The following MDGA2 variants were observed in gnomAD, a reference collection of about 807,000 sequenced individuals.
MDGA2 encodes the protein MAM domain-containing glycosylphosphatidylinositol anchor protein 2.
A neutral mutation model predicts 117.8 loss-of-function variants in MDGA2; 40 were observed. The ratio of observed to expected loss-of-function variants is 0.34; its 90% confidence interval spans 0.26 to 0.44. The LOEUF is 0.44. MDGA2 is among the 20% of genes least tolerant of loss of function. The pLI is 1.00. For synonymous variants in MDGA2, 452 were observed against 439.0 expected (o/e 1.03, Z -0.37); for missense variants, 1,123 against 1,250.6 (o/e 0.90, Z 1.54).
chr14:46,854,961 A>G, intron 15 of MDGA2, 63 bp downstream of exon 15: 1 of 1,340,298 alleles, frequency 7.5e-7, no homozygotes, highest in Non-Finnish European at 1.0e-6. Context: ...ATATTTGCTC[A>G]AGATCCACCT....
At chr14:47,006,683 T>A (rs1379491868) in intron 8 of MDGA2, among the ~76,000 whole-genome samples, 2 of 151,494 alleles carry the variant, frequency 1.3e-5, no homozygotes, top group Non-Finnish European at 3.0e-5. Context: ...TTGTTTGGAG[T>A]ACCAGCTGAT....
chr14:47,527,862 T>G (rs904979664), intron 1 of MDGA2, among the ~76,000 whole-genome samples: 3 of 152,104 alleles, frequency 2.0e-5, no homozygotes, highest in African/African-American at 7.2e-5. Flanking sequence ...CTTAATAATT[T>G]GGACATGAGA....
intron 1 of MDGA2, among the ~76,000 whole-genome samples, chr14:47,458,007 A>AT (rs34331194): frequency 0.032 from 4,657 of 146,658 alleles, 241 homozygotes; most frequent in African/African-American, 0.11. Flanking sequence ...TCTTCCCCAT[A>AT]TTTTTTTTTT....
chr14:47,312,917 T>C (rs1889688505), intron 1 of MDGA2, among the ~76,000 whole-genome samples: 1 of 111,866 alleles, frequency 8.9e-6, no homozygotes, highest in South Asian at 2.6e-4. Flanking sequence ...TAAATTTAAT[T>C]ATATATATAC....
At chr14:47,219,563 C>T (rs1246007020) in intron 2 of MDGA2, among the ~76,000 whole-genome samples, 3 of 151,922 alleles carry the variant, frequency 2.0e-5, no homozygotes, top group Non-Finnish European at 4.4e-5. Context: ...CATACTAACA[C>T]TTTCACTTAG....
intron 6 of MDGA2, among the ~76,000 whole-genome samples, chr14:47,092,643 T>C (rs569903720): frequency 2.0e-5 from 3 of 152,238 alleles, no homozygotes; most frequent in African/African-American, 7.2e-5. Flanking sequence ...CCTCCAATGT[T>C]GCCTGACTCA....
intron 1 of MDGA2, among the ~76,000 whole-genome samples, chr14:47,467,742 T>C (rs1893633647): frequency 2.0e-5 from 3 of 152,164 alleles, no homozygotes; most frequent in Admixed American, 2.0e-4. Flanking sequence ...GATGATTCAA[T>C]AAGTATGTGT....
In MDGA2 at chr14:47,147,434, ACT is replaced by A. The variant is rs895129283; in HGVS notation, c.596-3162_596-3161del. 6.1e-4 allele frequency among the ~76,000 whole-genome samples: 92 copies of A among 152,018 alleles called. 1 individual carries two copies. Among genetic ancestry groups the A allele is most frequent in the African/African-American group, 2.1e-3 (87 of 41,466 alleles). ...CAAAAGGTCTCAGTAGCTTTGCAGA[ACT>A]CTCTGAGCTGTGATATCCCCTCAAA... On this transcript the variant is annotated intron_variant, in intron 3 of 16. Coordinates refer to ENST00000399232, the MANE Select transcript of MDGA2 (RefSeq NM_001113498.3).
chr14:46,962,762 T>C (rs1885862641), intron 8 of MDGA2, among the ~76,000 whole-genome samples: 1 of 152,158 alleles, frequency 6.6e-6, no homozygotes, highest in South Asian at 2.1e-4. Context: ...GACTGAAGGT[T>C]ACAGTTATTA....
chr14:47,043,912 T>G (rs559880973), intron 7 of MDGA2, among the ~76,000 whole-genome samples: 1 of 152,278 alleles, frequency 6.6e-6, no homozygotes, highest in South Asian at 2.1e-4. Flanking sequence ...TTTCTGCATC[T>G]TTTATTCATC....
chr14:47,386,561 G>A (rs1220874538), intron 1 of MDGA2, among the ~76,000 whole-genome samples: 1 of 152,140 alleles, frequency 6.6e-6, no homozygotes, highest in Non-Finnish European at 1.5e-5. Flanking sequence ...TAAAATGTGA[G>A]CCCTGCTGAA....
intron 1 of MDGA2, among the ~76,000 whole-genome samples, chr14:47,521,201 T>C (rs766212462): frequency 2.0e-5 from 3 of 152,202 alleles, no homozygotes; most frequent in African/African-American, 4.8e-5. Context: ...ATGACTGTAA[T>C]TTTTTATATT....
chr14:47,575,013 G>T (rs1052161237), intron 1 of MDGA2, among the ~76,000 whole-genome samples: 3 of 152,290 alleles, frequency 2.0e-5, no homozygotes, highest in Non-Finnish European at 4.4e-5. Flanking sequence ...ATAGGTCTGT[G>T]TGTATAAAGT....
At chr14:47,027,605 CTCTA>C (rs905938666) in intron 8 of MDGA2, among the ~76,000 whole-genome samples, 20 of 137,104 alleles carry the variant, frequency 1.5e-4, no homozygotes, top group African/African-American at 4.5e-4. Context: ...TAGTCAATTG[CTCTA>C]TCTGAAGATA....
intron 1 of MDGA2, among the ~76,000 whole-genome samples, chr14:47,672,192 C>G (rs937610130): frequency 6.6e-6 from 1 of 152,160 alleles, no homozygotes; most frequent in African/African-American, 2.4e-5. Flanking sequence ...TAATTTTTAA[C>G]CCACCTCATA....
intron 3 of MDGA2, among the ~76,000 whole-genome samples, chr14:47,161,805 T>G (rs961395150): frequency 1.3e-5 from 2 of 151,934 alleles, no homozygotes; most frequent in African/African-American, 4.8e-5. Context: ...TTGTTTTCGT[T>G]GATTTTAGAT....
intron 9 of MDGA2, among the ~76,000 whole-genome samples, chr14:46,928,207 A>G (rs1884403797): frequency 6.6e-6 from 1 of 152,144 alleles, no homozygotes; most frequent in African/African-American, 2.4e-5. Context: ...TTTTATGAAA[A>G]TCAATTTTAG....
At chr14:46,909,709 A>C (rs1289149935) in intron 10 of MDGA2, among the ~76,000 whole-genome samples, 1 of 152,214 alleles carries the variant, frequency 6.6e-6, no homozygotes, top group Non-Finnish European at 1.5e-5. Context: ...CTTTATAAAA[A>C]TTATGACCTA....
At chr14:47,053,654 TACAC>T (rs746996959) in intron 7 of MDGA2, among the ~76,000 whole-genome samples, 24 of 67,252 alleles carry the variant, frequency 3.6e-4, no homozygotes, top group Non-Finnish European at 4.9e-4. Context: ...TATATATATA[TACAC>T]ACACACACAC....
Sources: allele counts gnomAD v4.1 joint callset (sites outside exome capture counted in the v4.1 genomes callset), GRCh38; gene constraint gnomAD v4.1.1; transcripts MANE v1.5; gene names NCBI Gene and HGNC (gene_info 2026-07-23, HGNC 2026-07-21).